Variants in GALNT18 observed in about 807,000 individuals in gnomAD.
The protein encoded by GALNT18 is GalNAc-transferase 18.
A neutral mutation model predicts 69.5 loss-of-function variants in GALNT18; 44 were observed. The ratio of observed to expected loss-of-function variants is 0.63; its 90% CI spans 0.50 to 0.81. GALNT18 has a LOEUF of 0.81. Ranked by LOEUF, GALNT18 falls within the 40% of genes least tolerant of loss-of-function variation. GALNT18 has a pLI of 0.00. For synonymous variants in GALNT18, 364 were observed against 318.2 expected (o/e 1.14, Z -1.53); for missense variants, 715 against 810.0 (o/e 0.88, Z 1.42).
At chr11:11,534,467 T>C (rs1485121588) in intron 1 of GALNT18, among the ~76,000 whole-genome samples, 2 of 152,254 alleles carry the variant, frequency 1.3e-5, no homozygotes, top group African/African-American at 4.8e-5. Context: ...TGCCAGACCC[T>C]GTGCTGGATG....
Position 11,454,003 on chromosome 11 carries a change from A to C in GALNT18, c.236-5067T>G, listed in dbSNP as rs912609306. On this transcript the variant is annotated intron_variant, in intron 1 of 10. Transcript: ENST00000227756. This position sits in a 1 kb window ranked among gnomAD's most constrained non-coding sequence, Gnocchi z 4.2. ...GTTCTCTGTTGAGTCCCTCAGACTC[A>C]GAACAGCATCTGGCGCCTAGTAGGT... is the stretch of plus-strand genomic sequence containing the variant. 3.9e-5 allele frequency among the ~76,000 whole-genome samples: 6 copies of C among 152,230 alleles called. No individual in the cohort carries two copies. Among genetic ancestry groups the C allele is most frequent in the African/African-American group, 1.4e-4 (6 of 41,460 alleles).
intron 1 of GALNT18, among the ~76,000 whole-genome samples, chr11:11,457,048 G>A (rs1047496293): frequency 6.6e-6 from 1 of 152,232 alleles, no homozygotes; most frequent in Admixed American, 6.5e-5. Context: ...CCAAGCAAGA[G>A]GAGCACATCT....
chr11:11,386,461 C>T (rs553449780), intron 3 of GALNT18, among the ~76,000 whole-genome samples: 1 of 152,224 alleles, frequency 6.6e-6, no homozygotes, highest in Admixed American at 6.5e-5. Flanking sequence ...CACCAAGGGC[C>T]CCACCAATTG....
At chr11:11,491,459 T>G (rs959088540) in intron 1 of GALNT18, among the ~76,000 whole-genome samples, 1 of 152,126 alleles carries the variant, frequency 6.6e-6, no homozygotes, top group African/African-American at 2.4e-5. Context: ...CATAACCAAT[T>G]AAAGCCTGGG....
At position 11,546,282 on chromosome 11, in the gene GALNT18, T is replaced by C. The variant is rs1217470342; in HGVS notation, c.235+75077A>G. The stretch of plus-strand genomic sequence containing the variant: ...CACCCACTCCACCTCCACACCCCTG[T>C]CAACCCAGCCAGGACCTGAGGCCAT... On this transcript the variant is annotated intron_variant, in intron 1 of 10. Coordinates refer to ENST00000227756, the MANE Select transcript of GALNT18 (RefSeq NM_198516.3). This position sits in a 1 kb window ranked among gnomAD's most constrained non-coding sequence, Gnocchi z 5.8. Among the ~76,000 whole-genome samples, 1 of 152,138 alleles carries C rather than the reference T, an allele frequency of 6.6e-6. No homozygotes were observed. Among genetic ancestry groups the C allele is most frequent in the East Asian group, 1.9e-4 (1 of 5,184 alleles).
chr11:11,321,360 C>T (rs1398956960), intron 9 of GALNT18, among the ~76,000 whole-genome samples: 1 of 152,154 alleles, frequency 6.6e-6, no homozygotes, highest in East Asian at 1.9e-4. Flanking sequence ...GGTGACTGTA[C>T]AGTGTATACA....
In GALNT18 at chr11:11,415,617, C is replaced by T. The variant is rs1012270162; in HGVS notation, c.595+17004G>A. Among the ~76,000 whole-genome samples, 1 of 152,146 alleles carries T rather than the reference C, an allele frequency of 6.6e-6. No individual in the cohort carries two copies. The highest frequency in any genetic ancestry group is 1.9e-4 in the East Asian group (1 of 5,188). On this transcript the variant is annotated intron_variant, in intron 3 of 10. Transcript: ENST00000227756. This position sits in a 1 kb window ranked among gnomAD's most constrained non-coding sequence, Gnocchi z 4.1. ...CTTGGCCACCATCTTGCAGTGAGAACTTTGGTGACTCAGCTCCTATGGTTC... is the reference window on the plus strand; with the variant it reads ...CTTGGCCACCATCTTGCAGTGAGAATTTTGGTGACTCAGCTCCTATGGTTC...
rs1856141840 is a variant in GALNT18, at chr11:11,465,782, G to T, written c.236-16846C>A. 6.6e-6 allele frequency among the ~76,000 whole-genome samples: 1 copy of T among 152,176 alleles called. No homozygotes were observed. The highest frequency in any genetic ancestry group is 1.5e-5 in the Non-Finnish European group (1 of 68,010). ...CTCCTCTGCCAGGCCCCAGGAGGATGTGGAATTACTGCACGATATTTATGT... is the reference window on the plus strand; with the variant it reads ...CTCCTCTGCCAGGCCCCAGGAGGATTTGGAATTACTGCACGATATTTATGT... On this transcript the variant is annotated intron_variant, in intron 1 of 10. Coordinates refer to ENST00000227756, the MANE Select transcript of GALNT18 (RefSeq NM_198516.3). The surrounding 1 kb of genome is among the most constrained non-coding windows in gnomAD (Gnocchi z 5.7).
chr11:11,318,374 C>G lies in GALNT18; in HGVS notation c.1512+8712G>C, dbSNP rs945218724. On this transcript the variant is annotated intron_variant, in intron 9 of 10. Coordinates refer to ENST00000227756, the MANE Select transcript of GALNT18 (RefSeq NM_198516.3). The surrounding 1 kb of genome is among the most constrained non-coding windows in gnomAD (Gnocchi z 5.1). ...CCCTTAATCCAACATGAGTAGTGTC[C>G]TTATAAAAAGGGGCAATTTGGACAC... 6.6e-6 allele frequency among the ~76,000 whole-genome samples: 1 copy of G among 152,068 alleles called. No individual in the cohort carries two copies. The highest frequency in any genetic ancestry group is 2.4e-5 in the African/African-American group (1 of 41,408).
At position 11,619,489 on chromosome 11, in the gene GALNT18, C is replaced by G. The variant is rs959635408; in HGVS notation, c.235+1870G>C. Among the ~76,000 whole-genome samples the G allele has an allele frequency of 6.6e-6, 1 of 152,056 alleles. No homozygotes were observed. Among genetic ancestry groups the G allele is most frequent in the Admixed American group, 6.5e-5 (1 of 15,270 alleles). On this transcript the variant is annotated intron_variant, in intron 1 of 10. Transcript: ENST00000227756. This position sits in a 1 kb window ranked among gnomAD's most constrained non-coding sequence, Gnocchi z 4.9. ...CATTCCACATGACTGGCACCCACTC[C>G]GTTACAGGCTCAGGGGTTAATGGCA...
At position 11,497,954 on chromosome 11, in the gene GALNT18, AT is replaced by A. The variant is rs1176675949; in HGVS notation, c.236-49019del. ...AGGCCTTGTTCAGCTGGTAAAAAAA[AT>A]AAAAAATAAAATTATAATTCATGAC... On this transcript the variant is annotated intron_variant, in intron 1 of 10. Transcript: ENST00000227756. This position sits in a 1 kb window ranked among gnomAD's most constrained non-coding sequence, Gnocchi z 4.2. 6.6e-6 allele frequency among the ~76,000 whole-genome samples: 1 copy of A among 152,142 alleles called. No homozygotes were observed. Among genetic ancestry groups the A allele is most frequent in the Non-Finnish European group, 1.5e-5 (1 of 68,042 alleles).
At chr11:11,425,309 A>G (rs1048282142) in intron 3 of GALNT18, among the ~76,000 whole-genome samples, 2 of 152,228 alleles carry the variant, frequency 1.3e-5, no homozygotes, top group Non-Finnish European at 2.9e-5. Flanking sequence ...GATTCCATCC[A>G]GCCTTCAAGC....
chr11:11,468,083 T>C (rs1488558601), intron 1 of GALNT18, among the ~76,000 whole-genome samples: 3 of 152,244 alleles, frequency 2.0e-5, no homozygotes, highest in Non-Finnish European at 4.4e-5. Context: ...CCTTCCTGTC[T>C]TATCCTCTGA....
chr11:11,409,531 C>T (rs761265146), intron 3 of GALNT18, among the ~76,000 whole-genome samples: 2 of 152,100 alleles, frequency 1.3e-5, no homozygotes, highest in Non-Finnish European at 2.9e-5. Context: ...TAGGGGACCC[C>T]GGTTCCCCAA....
rs147711099 is a variant in GALNT18, at chr11:11,534,300, A to G, written c.236-85364T>C. 5.2e-3 allele frequency among the ~76,000 whole-genome samples: 799 copies of G among 152,338 alleles called. 2 individuals carry two copies. Among genetic ancestry groups the G allele is most frequent in the Non-Finnish European group, 8.2e-3 (561 of 68,034 alleles). ...TTCAAAGAGACACACAATGACCATGAGATCTGCCAGAACCCTCTGAAGGAG... is the reference window on the plus strand; with the variant it reads ...TTCAAAGAGACACACAATGACCATGGGATCTGCCAGAACCCTCTGAAGGAG... On this transcript the variant is annotated intron_variant, in intron 1 of 10. Transcript: ENST00000227756.
intron 1 of GALNT18, among the ~76,000 whole-genome samples, chr11:11,544,956 G>T (rs11021916): frequency 0.079 from 11,994 of 152,226 alleles, 698 homozygotes; most frequent in Admixed American, 0.15. Flanking sequence ...CTGGTTCCGA[G>T]GCAAAGCTCT....
chr11:11,364,752 T>C (rs1850722986), intron 6 of GALNT18, among the ~76,000 whole-genome samples: 1 of 152,210 alleles, frequency 6.6e-6, no homozygotes, highest in South Asian at 2.1e-4. Context: ...GAAAATAGCA[T>C]TGTGGCCATG....
intron 9 of GALNT18, among the ~76,000 whole-genome samples, chr11:11,316,088 A>G (rs557182574): frequency 6.6e-5 from 10 of 152,330 alleles, no homozygotes; most frequent in Non-Finnish European, 8.8e-5. Context: ...GGAGGTGACC[A>G]GAAAAAGCTG....
chr11:11,379,425 G>T (rs1224956512), intron 3 of GALNT18, among the ~76,000 whole-genome samples, 161 bp from the exon 4 acceptor site: 2 of 152,156 alleles, frequency 1.3e-5, no homozygotes, highest in Admixed American at 6.5e-5. Context: ...GCCAGCACAG[G>T]TCAGTTTTGA....
Sources: gnomAD v4.1 joint callset for allele counts (sites outside exome capture counted in the v4.1 genomes callset) on GRCh38, gnomAD v4.1.1 for gene constraint, Gnocchi (gnomAD v3.1) non-coding constraint, MANE v1.5 for transcripts, NCBI Gene and HGNC (gene_info 2026-07-23, HGNC 2026-07-21) for gene names.